Variants in PTCHD4 observed in about 807,000 individuals in gnomAD.
PTCHD4 encodes the protein patched domain containing 4, also known as patched domain-containing protein 4.
PTCHD4 carries 33 observed loss-of-function variants against 58.1 expected under a neutral mutation model. The ratio of observed to expected loss-of-function variants is 0.57; its 90% CI spans 0.43 to 0.76. The LOEUF is 0.76. Ranked by LOEUF, PTCHD4 falls within the 30% of genes least tolerant of loss-of-function variation. PTCHD4 has a pLI of 0.00. For synonymous variants in PTCHD4, 478 were observed against 409.6 expected, an observed-to-expected ratio of 1.17 and a Z score of -2.02; for missense variants, 1,058 against 1,027.1, an observed-to-expected ratio of 1.03 and a Z score of -0.41.
chr6:48,043,674 T>C (rs1763927754), intron 3 of PTCHD4, among the ~76,000 whole-genome samples: 1 of 151,896 alleles, frequency 6.6e-6, no homozygotes, highest in South Asian at 2.1e-4. Context: ...TCTGACTATG[T>C]ACAATGTCTC....
rs1257445188 is a variant in PTCHD4, at chr6:47,859,704, A to C, written c.*18599T>G. Among the ~76,000 whole-genome samples, 1 of 151,994 alleles carries C rather than the reference A, an allele frequency of 6.6e-6. No homozygotes were observed. The highest frequency in any genetic ancestry group is 2.4e-5 in the African/African-American group (1 of 41,408). ...GACAGACAGACAATAAACAAATCCC[A>C]TGACAAATATGAAAGAAGGGAGGAG... is the stretch of plus-strand genomic sequence containing the variant. On this transcript the variant is annotated 3_prime_UTR_variant, in exon 5 of 5. Coordinates refer to ENST00000339488, the MANE Select transcript of PTCHD4 (RefSeq NM_001384253.1).
At chr6:47,959,676 T>G (rs1382505729) in intron 4 of PTCHD4, among the ~76,000 whole-genome samples, 1 of 151,978 alleles carries the variant, frequency 6.6e-6, no homozygotes, top group Non-Finnish European at 1.5e-5. Context: ...ATAGGACATA[T>G]TATATACATA....
intron 3 of PTCHD4, among the ~76,000 whole-genome samples, chr6:48,039,505 G>C (rs1763766979): frequency 6.6e-6 from 1 of 152,114 alleles, no homozygotes; most frequent in South Asian, 2.1e-4. Flanking sequence ...GCTACTGGCA[G>C]TGATTTATGT....
intron 1 of PTCHD4, among the ~76,000 whole-genome samples, chr6:48,110,650 C>CACACACACACACACACACACAT (rs1765851821): frequency 6.6e-6 from 1 of 151,218 alleles, no homozygotes; most frequent in South Asian, 2.1e-4. Flanking sequence ...CACACACACA[C>CACACACACACACACACACACAT]ACACACACAC....
rs372794011 is a variant in PTCHD4, at chr6:48,008,999, G to A, written c.533C>T (p.Thr178Ile). 6 of 1,613,826 alleles carry A rather than the reference G, an allele frequency of 3.7e-6. No individual in the cohort carries two copies. In the African/African-American group the frequency reaches 6.7e-5, roughly 18 times the overall value. Residue 178 changes from threonine (T) to isoleucine (I), a missense_variant, in exon 4 of 5, where the codon ACC becomes ATC. Physicochemically the swap from Thr to Ile is moderately conservative, Grantham distance 89 (BLOSUM62 -1). Transcript: ENST00000339488. The stretch of plus-strand genomic sequence containing the variant: ...GAGGTCTTGGGTGGCAGAGCCATAG[G>A]TCTGGAGGTAGTAGGTGATTTGAAT... ...RAIQITYYLQ[T>I]YGSATQDLIG...
At chr6:48,107,252 G>C (rs950900654) in intron 1 of PTCHD4, among the ~76,000 whole-genome samples, 8 of 152,064 alleles carry the variant, frequency 5.3e-5, no homozygotes, top group African/African-American at 1.7e-4. Flanking sequence ...CCAAAACAGA[G>C]ATATAGACCA....
intron 3 of PTCHD4, among the ~76,000 whole-genome samples, chr6:48,035,929 C>T (rs1374992417): frequency 6.6e-6 from 1 of 152,102 alleles, no homozygotes; most frequent in African/African-American, 2.4e-5. Context: ...TCTCTCTCCC[C>T]CACTGAAAAA....
In PTCHD4 at chr6:48,008,677, T is replaced by C; in HGVS notation, c.855A>G (p.Gly285=). ...TAAGIFFITD[G]KYNSTLLGIP... is the part of the protein sequence containing the mutation. ...TTCCCAGCAGGGTGGAGTTGTACTTTCCATCGGTGATGAAGAAGATCCCTG... is the reference window on the plus strand; with the variant it reads ...TTCCCAGCAGGGTGGAGTTGTACTTCCCATCGGTGATGAAGAAGATCCCTG... The change falls in exon 4 of 5, where the codon GGA becomes GGG. Residue 285 remains glycine (G), a synonymous_variant. Transcript: ENST00000339488. The C allele has an allele frequency of 6.2e-7, 1 of 1,613,510 alleles. No individual in the cohort carries two copies. The highest frequency in any genetic ancestry group is 2.2e-5 in the East Asian group (1 of 44,838).
At chr6:47,907,708 G>A (rs1764939925) in intron 4 of PTCHD4, among the ~76,000 whole-genome samples, 1 of 152,130 alleles carries the variant, frequency 6.6e-6, no homozygotes, top group African/African-American at 2.4e-5. Flanking sequence ...CCCCATTCCA[G>A]CAAAACATCA....
intron 4 of PTCHD4, among the ~76,000 whole-genome samples, chr6:47,967,440 G>T (rs1456313424): frequency 6.6e-6 from 1 of 152,142 alleles, no homozygotes; most frequent in African/African-American, 2.4e-5. Context: ...AATAATCAAT[G>T]AGCATTGGCT....
At chr6:47,962,346 C>T (rs2113970359) in intron 4 of PTCHD4, among the ~76,000 whole-genome samples, 1 of 152,246 alleles carries the variant, frequency 6.6e-6, no homozygotes, top group Middle Eastern at 3.4e-3. Context: ...ATCACAAAGT[C>T]ACAAGTCAAC....
At chr6:48,026,138 C>A (rs1763237432) in intron 3 of PTCHD4, among the ~76,000 whole-genome samples, 1 of 152,106 alleles carries the variant, frequency 6.6e-6, no homozygotes, top group Admixed American at 6.6e-5. Context: ...GAAGTTCTTT[C>A]TGGTAGCAAG....
chr6:48,108,615 AT>A (rs1314226869), intron 1 of PTCHD4, among the ~76,000 whole-genome samples: 1 of 151,866 alleles, frequency 6.6e-6, no homozygotes. Flanking sequence ...TAATAAAAAA[AT>A]AAATAAATAA....
At chr6:47,986,944 G>C (rs762763204) in intron 4 of PTCHD4, among the ~76,000 whole-genome samples, 6 of 152,108 alleles carry the variant, frequency 3.9e-5, no homozygotes, top group Admixed American at 1.3e-4. Context: ...TCTGGATAAA[G>C]TCAATTTGCT....
chr6:48,060,816 T>A (rs999471538), intron 3 of PTCHD4, among the ~76,000 whole-genome samples: 2 of 152,214 alleles, frequency 1.3e-5, no homozygotes, highest in Non-Finnish European at 2.9e-5. Flanking sequence ...AGATCCCAGG[T>A]GAGGTCTCTC....
intron 1 of PTCHD4, among the ~76,000 whole-genome samples, chr6:48,095,114 G>A (rs1200120445): frequency 6.6e-6 from 1 of 152,170 alleles, no homozygotes. Context: ...TAGTTTCATA[G>A]AGGTATATAT....
chr6:48,084,075 C>A (rs761567175), intron 1 of PTCHD4, among the ~76,000 whole-genome samples: 1 of 151,956 alleles, frequency 6.6e-6, no homozygotes, highest in South Asian at 2.1e-4. Context: ...TCGAATTTAG[C>A]GTTCTCAACC....
At chr6:48,055,426 G>A (rs780243663) in intron 3 of PTCHD4, among the ~76,000 whole-genome samples, 17 of 152,100 alleles carry the variant, frequency 1.1e-4, no homozygotes, top group Non-Finnish European at 2.2e-4. Context: ...CAATCAAGAG[G>A]AAGATGAGTA....
chr6:47,863,035 T>C lies in PTCHD4; in HGVS notation c.*15268A>G, dbSNP rs1763467946. On this transcript the variant is annotated 3_prime_UTR_variant, in exon 5 of 5. Coordinates refer to ENST00000339488, the MANE Select transcript of PTCHD4 (RefSeq NM_001384253.1). The stretch of plus-strand genomic sequence containing the variant: ...AAGCCATTTTAATTTCAAGTAGCAT[T>C]TCGTGATAATATAGGAACAAAAAGA... 6.6e-6 allele frequency among the ~76,000 whole-genome samples: 1 copy of C among 151,890 alleles called. No individual in the cohort carries two copies. Among genetic ancestry groups the C allele is most frequent in the African/African-American group, 2.4e-5 (1 of 41,418 alleles).
Sources: gnomAD v4.1 joint callset for allele counts (sites outside exome capture counted in the v4.1 genomes callset) on GRCh38, gnomAD v4.1.1 for gene constraint, MANE v1.5 for transcripts, NCBI Gene and HGNC (gene_info 2026-07-23, HGNC 2026-07-21) for gene names.